ARL15: variants seen among roughly 807,000 people sequenced by gnomAD.
The protein encoded by ARL15 is ARF like GTPase 15.
A neutral mutation model predicts 25.2 loss-of-function variants in ARL15; 19 were observed. The ratio of observed to expected loss-of-function variants is 0.75; its 90% CI spans 0.53 to 1.10. The LOEUF (loss-of-function observed/expected upper bound fraction) is 1.10. Among genes scored for constraint, ARL15 ranks in the 50% least tolerant of loss-of-function variants. The pLI is 0.00. For synonymous variants in ARL15, 94 were observed against 86.8 expected (o/e 1.08, Z -0.46); for missense variants, 220 against 246.0 (o/e 0.89, Z 0.71).
At chr5:54,050,762 C>G (rs1040265558) in intron 4 of ARL15, among the ~76,000 whole-genome samples, 5 of 152,142 alleles carry the variant, frequency 3.3e-5, no homozygotes, top group African/African-American at 1.2e-4. Context: ...GAAATTCTAC[C>G]TCTGAAATAT....
intron 4 of ARL15, among the ~76,000 whole-genome samples, chr5:53,995,125 A>G (rs1370657251): frequency 6.6e-6 from 1 of 152,130 alleles, no homozygotes; most frequent in East Asian, 1.9e-4. Flanking sequence ...CCTGGCCAAG[A>G]TGGTGAAACC....
chr5:54,128,999 T>G (rs533608046), intron 3 of ARL15, among the ~76,000 whole-genome samples: 13 of 152,302 alleles, frequency 8.5e-5, no homozygotes, highest in African/African-American at 3.1e-4. Flanking sequence ...CCACGGCGCC[T>G]GGCCTTACTA....
chr5:54,044,363 C>G (rs1395584168), intron 4 of ARL15, among the ~76,000 whole-genome samples: 2 of 151,510 alleles, frequency 1.3e-5, no homozygotes, highest in African/African-American at 4.9e-5. Context: ...CCTGCCTTAG[C>G]CTCCCAAGTA....
chr5:54,108,646 A>C (rs894541420), intron 4 of ARL15, among the ~76,000 whole-genome samples: 1 of 152,150 alleles, frequency 6.6e-6, no homozygotes. Context: ...ACCAAAAAAG[A>C]AATGATCTGT....
At chr5:54,258,283 G>A (rs993548932) in intron 1 of ARL15, among the ~76,000 whole-genome samples, 2 of 152,100 alleles carry the variant, frequency 1.3e-5, no homozygotes, top group African/African-American at 4.8e-5. Flanking sequence ...AGCTGTGACT[G>A]TGCCACTGCA....
chr5:54,019,221 T>C (rs528648055), intron 4 of ARL15, among the ~76,000 whole-genome samples: 7 of 152,094 alleles, frequency 4.6e-5, no homozygotes, highest in Non-Finnish European at 7.4e-5. Flanking sequence ...AAGTTTGTCA[T>C]CTAACAGTGA....
intron 4 of ARL15, among the ~76,000 whole-genome samples, chr5:54,088,023 T>C (rs974111848): frequency 2.0e-5 from 3 of 152,292 alleles, no homozygotes; most frequent in African/African-American, 4.8e-5. Context: ...TTTTGGATAT[T>C]AGCTGATTGA....
intron 1 of ARL15, among the ~76,000 whole-genome samples, chr5:54,204,869 TG>T (rs1262980180): frequency 6.6e-6 from 1 of 151,690 alleles, no homozygotes; most frequent in Non-Finnish European, 1.5e-5. Flanking sequence ...CTGTTTTTCA[TG>T]GAAGTACCTG....
chr5:54,126,674 A>G (rs915824391), intron 3 of ARL15, among the ~76,000 whole-genome samples: 1 of 152,192 alleles, frequency 6.6e-6, no homozygotes, highest in African/African-American at 2.4e-5. Flanking sequence ...CTGATTATAA[A>G]AAGGCTTCAG....
At chr5:53,999,647 T>A (rs1748791133) in intron 4 of ARL15, among the ~76,000 whole-genome samples, 1 of 151,914 alleles carries the variant, frequency 6.6e-6, no homozygotes, top group Non-Finnish European at 1.5e-5. Flanking sequence ...GTGCGGTGGC[T>A]CACACCTGTA....
chr5:53,932,525 C>A (rs888108594), intron 4 of ARL15, among the ~76,000 whole-genome samples: 1 of 152,164 alleles, frequency 6.6e-6, no homozygotes, highest in Admixed American at 6.5e-5. Context: ...ACCTTCTAAG[C>A]GGATCACCAT....
chr5:54,123,085 C>T (rs1753136578), intron 3 of ARL15, among the ~76,000 whole-genome samples: 1 of 151,586 alleles, frequency 6.6e-6, no homozygotes, highest in African/African-American at 2.4e-5. Flanking sequence ...AGAACTCTTA[C>T]TCACACCCTC....
At chr5:54,308,303 A>C (rs1325363507) in intron 1 of ARL15, among the ~76,000 whole-genome samples, 3 of 152,228 alleles carry the variant, frequency 2.0e-5, no homozygotes, top group Non-Finnish European at 1.5e-5. Flanking sequence ...GTTTCCTTTA[A>C]GATTTCTTTT....
chr5:54,169,466 G>GTTT (rs1279730787), intron 2 of ARL15, among the ~76,000 whole-genome samples: 4 of 152,156 alleles, frequency 2.6e-5, no homozygotes, highest in African/African-American at 9.7e-5. Context: ...CTCTAGCTAT[G>GTTT]TAACAATAGC....
chr5:54,305,965 A>G (rs554634274), intron 1 of ARL15, among the ~76,000 whole-genome samples: 3 of 152,350 alleles, frequency 2.0e-5, no homozygotes, highest in African/African-American at 7.2e-5. Flanking sequence ...TTAGTTCACA[A>G]TAAAACACAC....
intron 4 of ARL15, among the ~76,000 whole-genome samples, chr5:54,082,067 G>C (rs926984021): frequency 8.8e-6 from 1 of 113,602 alleles, no homozygotes; most frequent in African/African-American, 3.1e-5. Flanking sequence ...TTCCAGCCTG[G>C]GTAACAAAAA....
At chr5:54,175,975 C>G (rs897230102) in intron 1 of ARL15, among the ~76,000 whole-genome samples, 1 of 152,108 alleles carries the variant, frequency 6.6e-6, no homozygotes, top group African/African-American at 2.4e-5. Context: ...TATATTCTCA[C>G]CAGTGATATC....
chr5:54,205,833 G>A (rs528036140), intron 1 of ARL15, among the ~76,000 whole-genome samples: 8 of 152,128 alleles, frequency 5.3e-5, no homozygotes, highest in Admixed American at 1.3e-4. Context: ...CCTGATGACC[G>A]ACCAACTCTC....
At position 54,171,825 on chromosome 5, in the gene ARL15, T is replaced by C. The variant is rs758759873; in HGVS notation, c.152A>G (p.Lys51Arg). The part of the protein sequence containing the change: ...TGSGKTSLLS[K>R]LCSESPDNVV... ...GTTATCGGGGCTTTCACTGCAGAGT[T>C]TGGACAACAGACTGGTTTTGCCAGA... Residue 51 changes from lysine (K) to arginine (R), a missense_variant, in exon 2 of 5, where the codon AAA (lysine) becomes AGA (arginine). Transcript: ENST00000504924. 1.9e-6 allele frequency: 3 copies of C among 1,613,360 alleles called. No individual in the cohort carries two copies. Among genetic ancestry groups the C allele is most frequent in the South Asian group, 2.2e-5 (2 of 91,014 alleles).
Sources: allele counts gnomAD v4.1 joint callset (sites outside exome capture counted in the v4.1 genomes callset), GRCh38; gene constraint gnomAD v4.1.1; transcripts MANE v1.5; gene names NCBI Gene and HGNC (gene_info 2026-07-23, HGNC 2026-07-21).